The following RANBP17 variants were observed in gnomAD, a reference collection of about 807,000 sequenced individuals.
The protein encoded by RANBP17 is RAN binding protein 17.
In RANBP17, 158 loss-of-function variants were observed where a neutral mutation model predicts 141.2. That is an observed-to-expected ratio of 1.12 (90% CI 0.98 to 1.28). RANBP17 has a LOEUF of 1.28. RANBP17 is among the 50% of genes most tolerant of loss of function. The probability of loss-of-function intolerance (pLI) is 0.00; values close to 1 mark genes in which losing one functional copy is unlikely to be tolerated. For synonymous variants in RANBP17, 430 were observed against 450.0 expected, an observed-to-expected ratio of 0.96 and a Z score of 0.56; for missense variants, 1,438 against 1,290.7, an observed-to-expected ratio of 1.11 and a Z score of -1.75.
At chr5:171,197,757 G>A (rs147730133) in intron 18 of RANBP17, among the ~76,000 whole-genome samples, 100 of 152,306 alleles carry the variant, frequency 6.6e-4, no homozygotes, top group African/African-American at 2.2e-3. Flanking sequence ...AGAGCCAGGC[G>A]GCCGGGCGCT....
intron 18 of RANBP17, among the ~76,000 whole-genome samples, chr5:171,192,315 C>T (rs533512807): frequency 6.6e-6 from 1 of 152,162 alleles, no homozygotes; most frequent in East Asian, 1.9e-4. Context: ...ATTAGCTGGC[C>T]CTGTAGGCAG....
intron 14 of RANBP17, among the ~76,000 whole-genome samples, chr5:171,062,137 T>C (rs966690416): frequency 1.3e-5 from 2 of 151,838 alleles, no homozygotes; most frequent in African/African-American, 4.8e-5. Flanking sequence ...TGTCTTTTAA[T>C]TGGAGCATTT....
intron 14 of RANBP17, among the ~76,000 whole-genome samples, chr5:171,013,322 G>A (rs891928042): frequency 2.0e-5 from 3 of 152,092 alleles, no homozygotes; most frequent in Non-Finnish European, 4.4e-5. Context: ...TGATCCAGCC[G>A]ACTTTCCTAT....
intron 25 of RANBP17, among the ~76,000 whole-genome samples, chr5:171,274,549 G>T (rs975374125): frequency 1.1e-4 from 16 of 152,114 alleles, no homozygotes; most frequent in Admixed American, 9.2e-4. Flanking sequence ...AACAGAAAAA[G>T]CAATTAAAAA....
chr5:171,020,320 C>G (rs1048223027), intron 14 of RANBP17, among the ~76,000 whole-genome samples: 2 of 151,990 alleles, frequency 1.3e-5, no homozygotes, highest in African/African-American at 4.8e-5. Flanking sequence ...CCTGAATATC[C>G]CTGTTAATTT....
intron 22 of RANBP17, among the ~76,000 whole-genome samples, chr5:171,232,891 T>C (rs1764288469): frequency 6.6e-6 from 1 of 152,230 alleles, no homozygotes; most frequent in Non-Finnish European, 1.5e-5. Context: ...ACATCTGCTT[T>C]TCCATTATCA....
At chr5:171,199,922 A>C (rs2127953850) in intron 19 of RANBP17, 149 bp downstream of exon 19, 1 of 479,440 alleles carries the variant, frequency 2.1e-6, no homozygotes, top group South Asian at 3.8e-5. Flanking sequence ...CTTTTATTTA[A>C]GCATTTTTCT....
chr5:170,945,527 C>G (rs1272665558), intron 12 of RANBP17, among the ~76,000 whole-genome samples: 3 of 152,062 alleles, frequency 2.0e-5, no homozygotes, highest in Admixed American at 6.5e-5. Flanking sequence ...GATTAAGTAG[C>G]CTAGTGTAAA....
chr5:171,050,845 CAATG>C (rs898600274), intron 14 of RANBP17, among the ~76,000 whole-genome samples: 4 of 151,806 alleles, frequency 2.6e-5, no homozygotes, highest in African/African-American at 9.7e-5. Context: ...GATCCACAGA[CAATG>C]AATTTTCTTA....
intron 3 of RANBP17, among the ~76,000 whole-genome samples, chr5:170,886,361 G>A (rs1004397982): frequency 2.0e-5 from 3 of 152,118 alleles, no homozygotes; most frequent in African/African-American, 4.8e-5. Context: ...TCTAGGCCTT[G>A]TTATACAGCC....
chr5:171,274,206 G>A (rs1767355154), intron 25 of RANBP17, among the ~76,000 whole-genome samples: 1 of 151,414 alleles, frequency 6.6e-6, no homozygotes, highest in Admixed American at 6.6e-5. Flanking sequence ...AAAATAAGAG[G>A]TCTGGGACTG....
At chr5:171,248,376 A>G (rs1765353762) in intron 24 of RANBP17, among the ~76,000 whole-genome samples, 1 of 151,938 alleles carries the variant, frequency 6.6e-6, no homozygotes, top group Non-Finnish European at 1.5e-5. Context: ...CAAAAAAAAA[A>G]AAAAAAAGAA....
intron 14 of RANBP17, among the ~76,000 whole-genome samples, chr5:171,055,268 A>C (rs1486220727): frequency 1.3e-5 from 2 of 152,158 alleles, no homozygotes; most frequent in Non-Finnish European, 2.9e-5. Flanking sequence ...GCTAGAAATC[A>C]CTGGTTGGTT....
chr5:170,878,591 A>G (rs1349675565), intron 2 of RANBP17, among the ~76,000 whole-genome samples: 3 of 152,184 alleles, frequency 2.0e-5, no homozygotes, highest in Non-Finnish European at 2.9e-5. Context: ...TAATTACCTC[A>G]GAAACATGAA....
At chr5:170,880,864 C>A (rs1292449091) in intron 2 of RANBP17, among the ~76,000 whole-genome samples, 1 of 152,152 alleles carries the variant, frequency 6.6e-6, no homozygotes, top group Non-Finnish European at 1.5e-5. Flanking sequence ...CATGACAACA[C>A]CCATGGCTCT....
At chr5:171,186,758 G>C (rs951163264) in intron 18 of RANBP17, among the ~76,000 whole-genome samples, 3 of 151,302 alleles carry the variant, frequency 2.0e-5, no homozygotes, top group African/African-American at 7.3e-5. Flanking sequence ...GGATGGTCTC[G>C]ATCTCCTGAC....
chr5:170,938,120 G>A (rs553295026), intron 12 of RANBP17, among the ~76,000 whole-genome samples: 1 of 152,062 alleles, frequency 6.6e-6, no homozygotes, highest in Non-Finnish European at 1.5e-5. Flanking sequence ...GGGTGGGACG[G>A]GTCAAACAGC....
At chr5:171,259,760 C>A (rs1371252240) in intron 24 of RANBP17, among the ~76,000 whole-genome samples, 1 of 152,080 alleles carries the variant, frequency 6.6e-6, no homozygotes, top group South Asian at 2.1e-4. Context: ...GTCAGTGGAT[C>A]ACTTGAGGTC....
chr5:171,007,036 A>G (rs564217028), intron 14 of RANBP17, among the ~76,000 whole-genome samples: 1 of 152,122 alleles, frequency 6.6e-6, no homozygotes. Context: ...GGTCTGGCTC[A>G]TGAAGCCGGT....
Sources: gnomAD v4.1 joint callset for allele counts (sites outside exome capture counted in the v4.1 genomes callset) on GRCh38, gnomAD v4.1.1 for gene constraint, MANE v1.5 for transcripts, NCBI Gene and HGNC (gene_info 2026-07-23, HGNC 2026-07-21) for gene names.